The following AGBL4 variants were observed in gnomAD, a reference collection of about 807,000 sequenced individuals.
AGBL4 encodes the protein cytosolic carboxypeptidase 6.
A neutral mutation model predicts 66.4 loss-of-function variants in AGBL4; 58 were observed. The observed-to-expected ratio is 0.87, with a 90% CI of 0.71 to 1.09. The LOEUF is 1.09. Among genes scored for constraint, AGBL4 ranks in the 50% least tolerant of loss-of-function variants. AGBL4 has a pLI of 0.00. For missense variants in AGBL4, 579 were observed against 631.0 expected, an observed-to-expected ratio of 0.92 and a Z score of 0.88; for synonymous variants, 234 against 222.9, an observed-to-expected ratio of 1.05 and a Z score of -0.44.
rs10568742 is a variant in AGBL4 at position 48,543,381 on chromosome 1, ACCATCCATCCATCCATCCAT to A, written c.1268-3663_1268-3644del. ...GTGAGTAACAGTGCAGAAATGATTTACCATCCATCCATCCATCCATCCATCCATCCATCCATCCATCCATC... is the reference window on the plus strand; with the variant it reads ...GTGAGTAACAGTGCAGAAATGATTTACCATCCATCCATCCATCCATCCATC... On this transcript the variant is annotated intron_variant, in intron 11 of 13. Coordinates refer to ENST00000371839, the MANE Select transcript of AGBL4 (RefSeq NM_032785.4). Among the ~76,000 whole-genome samples the A allele has an allele frequency of 3.0e-3, 442 of 148,616 alleles. 4 individuals carry two copies. Among genetic ancestry groups the A allele is most frequent in the African/African-American group, 0.011 (427 of 40,090 alleles).
At chr1:48,693,549 T>G (rs986209346) in intron 6 of AGBL4, among the ~76,000 whole-genome samples, 3 of 152,190 alleles carry the variant, frequency 2.0e-5, no homozygotes, top group Non-Finnish European at 4.4e-5. Flanking sequence ...CGTGCTTTCG[T>G]GCAAGGCAGC....
chr1:48,743,363 A>G (rs900063307), intron 6 of AGBL4, among the ~76,000 whole-genome samples: 2 of 152,220 alleles, frequency 1.3e-5, no homozygotes, highest in African/African-American at 4.8e-5. Context: ...CACAAATTAC[A>G]TGCAGTTTAA....
At chr1:48,827,414 G>A (rs1646449707) in intron 6 of AGBL4, among the ~76,000 whole-genome samples, 1 of 152,182 alleles carries the variant, frequency 6.6e-6, no homozygotes, top group Non-Finnish European at 1.5e-5. Context: ...CCCAGGTCAT[G>A]GGTCTTTACA....
chr1:49,627,627 C>T (rs976178932), intron 3 of AGBL4, among the ~76,000 whole-genome samples: 2 of 152,064 alleles, frequency 1.3e-5, no homozygotes, highest in East Asian at 1.9e-4. Context: ...AGGATGATTT[C>T]TTTTCTCTCA....
At chr1:48,653,692 G>C (rs1241433448) in intron 7 of AGBL4, among the ~76,000 whole-genome samples, 11 of 152,164 alleles carry the variant, frequency 7.2e-5, no homozygotes, top group Admixed American at 2.0e-4. Context: ...AGGAGGGAGA[G>C]AGCATTTCCT....
intron 2 of AGBL4, among the ~76,000 whole-genome samples, chr1:49,698,998 C>T (rs1051974520): frequency 6.6e-6 from 1 of 151,926 alleles, no homozygotes; most frequent in Admixed American, 6.6e-5. Flanking sequence ...AATTGAAACC[C>T]AGAAATGTTT....
intron 4 of AGBL4, among the ~76,000 whole-genome samples, chr1:49,185,473 C>A (rs1373129697): frequency 6.6e-6 from 1 of 152,186 alleles, no homozygotes; most frequent in African/African-American, 2.4e-5. Flanking sequence ...ACAAACCCTC[C>A]TTCCCTTTCA....
At chr1:49,008,834 A>G (rs1407366819) in intron 5 of AGBL4, among the ~76,000 whole-genome samples, 2 of 151,962 alleles carry the variant, frequency 1.3e-5, no homozygotes, top group East Asian at 3.9e-4. Context: ...ACCAACGAGA[A>G]CAAAGACACA....
chr1:48,677,558 A>AACG (rs1311481912), intron 6 of AGBL4, among the ~76,000 whole-genome samples: 1 of 152,172 alleles, frequency 6.6e-6, no homozygotes, highest in Non-Finnish European at 1.5e-5. Flanking sequence ...AGCCTTGCAG[A>AACG]ACGGCTGGCA....
At chr1:49,423,905 A>G (rs527916507) in intron 3 of AGBL4, among the ~76,000 whole-genome samples, 1 of 152,076 alleles carries the variant, frequency 6.6e-6, no homozygotes, top group South Asian at 2.1e-4. Context: ...CCAGCTCATT[A>G]GTGAATAAAA....
intron 2 of AGBL4, among the ~76,000 whole-genome samples, chr1:49,761,991 G>A (rs61783640): frequency 6.6e-6 from 1 of 151,918 alleles, no homozygotes; most frequent in Non-Finnish European, 1.5e-5. Flanking sequence ...TTGCATACTT[G>A]GGTCAATCCC....
chr1:49,014,959 T>C (rs1662704292), intron 5 of AGBL4, among the ~76,000 whole-genome samples: 1 of 152,220 alleles, frequency 6.6e-6, no homozygotes, highest in Admixed American at 6.5e-5. Context: ...CACTGCTTCT[T>C]ACAGTCTTTC....
chr1:49,538,226 A>G (rs1651755280), intron 3 of AGBL4, among the ~76,000 whole-genome samples: 2 of 152,236 alleles, frequency 1.3e-5, no homozygotes. Context: ...ATGACTGGAG[A>G]AAGAAAATGT....
At chr1:49,179,901 A>T (rs1256520882) in intron 4 of AGBL4, among the ~76,000 whole-genome samples, 2 of 148,606 alleles carry the variant, frequency 1.3e-5, no homozygotes, top group African/African-American at 2.5e-5. Flanking sequence ...TATTTTTTTT[A>T]TTTTTTTTTT....
intron 2 of AGBL4, among the ~76,000 whole-genome samples, chr1:49,717,929 C>T (rs541921050): frequency 6.6e-6 from 1 of 152,164 alleles, no homozygotes; most frequent in South Asian, 2.1e-4. Flanking sequence ...TATATCAGTC[C>T]TTGCTATCAT....
chr1:49,322,568 C>T (rs1318870249), intron 3 of AGBL4, among the ~76,000 whole-genome samples: 1 of 152,000 alleles, frequency 6.6e-6, no homozygotes, highest in East Asian at 1.9e-4. Flanking sequence ...GCTCTAAATC[C>T]AATGTGTCAT....
intron 3 of AGBL4, among the ~76,000 whole-genome samples, chr1:49,349,677 T>C (rs1480511542): frequency 1.3e-5 from 2 of 152,182 alleles, no homozygotes; most frequent in Admixed American, 6.5e-5. Context: ...GACTGGTAAC[T>C]CATTAAGGGC....
intron 3 of AGBL4, among the ~76,000 whole-genome samples, chr1:49,382,106 TA>T (rs1644629713): frequency 6.6e-6 from 1 of 152,116 alleles, no homozygotes; most frequent in Non-Finnish European, 1.5e-5. Flanking sequence ...CTAGTATGGA[TA>T]AAAAAGACTT....
intron 3 of AGBL4, among the ~76,000 whole-genome samples, chr1:49,695,355 G>A (rs1448790351): frequency 2.0e-5 from 3 of 152,148 alleles, no homozygotes; most frequent in Admixed American, 1.3e-4. Flanking sequence ...AATCTCATAG[G>A]GGTCCCAAAT....
Sources: gnomAD v4.1 joint callset for allele counts (sites outside exome capture counted in the v4.1 genomes callset) on GRCh38, gnomAD v4.1.1 for gene constraint, MANE v1.5 for transcripts, NCBI Gene and HGNC (gene_info 2026-07-23, HGNC 2026-07-21) for gene names.